The following LYN variants were observed in gnomAD, a reference collection of about 807,000 sequenced individuals.
The protein encoded by LYN is LYN proto-oncogene, Src family tyrosine kinase.
Under a neutral mutation model 65.0 loss-of-function variants are expected in LYN, and 12 were observed. That is an observed-to-expected ratio of 0.18 (90% CI 0.12 to 0.30). The LOEUF (loss-of-function observed/expected upper bound fraction) is 0.30. LYN is among the 10% of genes least tolerant of loss of function. LYN has a pLI of 1.00. For missense variants in LYN, 380 were observed against 623.2 expected (o/e 0.61, Z 4.16); for synonymous variants, 222 against 221.2 (o/e 1.00, Z -0.03).
intron 1 of LYN, among the ~76,000 whole-genome samples, chr8:55,935,609 ACTAAAAAT>A (rs1288096260): frequency 6.6e-6 from 1 of 152,044 alleles, no homozygotes; most frequent in Non-Finnish European, 1.5e-5. Context: ...CCCTGTCTGT[ACTAAAAAT>A]ACAAAAATTA....
In LYN at chr8:56,010,138, G is replaced by A; in HGVS notation, c.*28G>A. ...CACAGGGAGACCCGTCCATTTGGCAGGGGTGGCTGCCTCATTTAGAGAGGA... is the reference window on the plus strand; with the variant it reads ...CACAGGGAGACCCGTCCATTTGGCAAGGGTGGCTGCCTCATTTAGAGAGGA... On this transcript the variant is annotated 3_prime_UTR_variant, in exon 13 of 13. Coordinates refer to ENST00000519728, the MANE Select transcript of LYN (RefSeq NM_002350.4). The A allele has an allele frequency of 6.2e-7, 1 of 1,610,738 alleles. No homozygotes were observed. Among genetic ancestry groups the A allele is most frequent in the Non-Finnish European group, 8.5e-7 (1 of 1,177,206 alleles).
intron 1 of LYN, among the ~76,000 whole-genome samples, chr8:55,930,871 C>G (rs1400307732): frequency 6.6e-6 from 1 of 151,968 alleles, no homozygotes; most frequent in Non-Finnish European, 1.5e-5. Flanking sequence ...ACTGAAGCCC[C>G]AAACTCTTAG....
At chr8:55,947,866 A>T in intron 4 of LYN, 143 bp downstream of exon 4, 1 of 621,348 alleles carries the variant, frequency 1.6e-6, no homozygotes, top group Non-Finnish European at 2.9e-6. Flanking sequence ...TGCTACCCAC[A>T]GGGAGTGGGC....
At chr8:55,979,698 C>T (rs1356981211) in intron 10 of LYN, among the ~76,000 whole-genome samples, 1 of 152,206 alleles carries the variant, frequency 6.6e-6, no homozygotes, top group Non-Finnish European at 1.5e-5. Context: ...CAGGCCTCCA[C>T]CCAGCACAGC....
At chr8:55,988,238 G>A (rs925633411) in intron 10 of LYN, among the ~76,000 whole-genome samples, 2 of 151,436 alleles carry the variant, frequency 1.3e-5, no homozygotes, top group Admixed American at 6.6e-5. Context: ...AACAAATGCT[G>A]TCATATTTGC....
intron 10 of LYN, among the ~76,000 whole-genome samples, chr8:55,975,148 G>A (rs1250355629): frequency 6.6e-6 from 1 of 152,210 alleles, no homozygotes; most frequent in African/African-American, 2.4e-5. Flanking sequence ...TAGTGGTCAG[G>A]ATGTGATGGT....
intron 1 of LYN, among the ~76,000 whole-genome samples, chr8:55,935,488 T>C (rs1806402262): frequency 1.3e-5 from 2 of 152,144 alleles, no homozygotes; most frequent in African/African-American, 4.8e-5. Flanking sequence ...AAAAGTGATT[T>C]AGGTGCTGGG....
chr8:55,975,295 T>G (rs1029515330), intron 10 of LYN, among the ~76,000 whole-genome samples: 1 of 152,196 alleles, frequency 6.6e-6, no homozygotes, highest in African/African-American at 2.4e-5. Flanking sequence ...GAGCCTAGAT[T>G]ATGCTAATGA....
intron 8 of LYN, chr8:55,954,993 A>G (rs1424194360): frequency 6.6e-6 from 1 of 152,228 alleles, no homozygotes; most frequent in African/African-American, 2.4e-5. Context: ...GGAAAGAGTA[A>G]CATGTTAGGT....
chr8:56,010,524 C>T lies in LYN; in HGVS notation c.*414C>T, dbSNP rs976798103. 1 of 251,072 alleles carries T rather than the reference C, an allele frequency of 4.0e-6. No individual in the cohort carries two copies. The highest frequency in any genetic ancestry group is 2.2e-5 in the African/African-American group (1 of 45,416). The allele number at this position is 251,072 out of a possible 1,614,324, so 15.6% of individuals were successfully genotyped here. A position where few individuals can be genotyped will look rare whatever the true frequency, so the allele number is the denominator to read the frequency against. On this transcript the variant is annotated 3_prime_UTR_variant, in exon 13 of 13. Transcript: ENST00000519728. ...AACTCATTTATAAAGCTAAAATAACCGGATATATACATAGCATGACATTTC... is the reference window on the plus strand; with the variant it reads ...AACTCATTTATAAAGCTAAAATAACTGGATATATACATAGCATGACATTTC...
At chr8:55,901,777 G>C (rs868587152) in intron 1 of LYN, among the ~76,000 whole-genome samples, 1 of 152,202 alleles carries the variant, frequency 6.6e-6, no homozygotes, top group South Asian at 2.1e-4. Flanking sequence ...GCTAGGAACC[G>C]GCTCCCAGCT....
At chr8:55,897,401 C>T (rs896994973) in intron 1 of LYN, among the ~76,000 whole-genome samples, 2 of 152,102 alleles carry the variant, frequency 1.3e-5, no homozygotes, top group Admixed American at 1.3e-4. Flanking sequence ...AGCATTCTGA[C>T]GCTGAGCACA....
intron 1 of LYN, among the ~76,000 whole-genome samples, chr8:55,903,851 A>G (rs555417960): frequency 6.6e-6 from 1 of 152,290 alleles, no homozygotes; most frequent in South Asian, 2.1e-4. Context: ...CTATCTTTAC[A>G]GAAAATAAAA....
At chr8:55,949,550 T>C (rs1371822552) in intron 4 of LYN, among the ~76,000 whole-genome samples, 2 of 152,220 alleles carry the variant, frequency 1.3e-5, no homozygotes, top group Non-Finnish European at 2.9e-5. Flanking sequence ...ATAAACACTT[T>C]TTTCCTTTTA....
intron 1 of LYN, among the ~76,000 whole-genome samples, chr8:55,918,419 G>A (rs1369885680): frequency 2.0e-5 from 3 of 152,234 alleles, no homozygotes; most frequent in Non-Finnish European, 4.4e-5. Flanking sequence ...GGGCTATGGA[G>A]CCGGGACATT....
At chr8:55,946,550 T>C (rs1167566510) in intron 3 of LYN, 57 bp downstream of exon 3, 1 of 1,040,928 alleles carries the variant, frequency 9.6e-7, no homozygotes, top group African/African-American at 1.6e-5. Context: ...AGAGCTTCTA[T>C]AAAGTGATTG....
chr8:55,977,962 G>A (rs1198513250), intron 10 of LYN, among the ~76,000 whole-genome samples: 1 of 152,024 alleles, frequency 6.6e-6, no homozygotes, highest in East Asian at 1.9e-4. Flanking sequence ...TCTCTAAAGG[G>A]TACACTCTGA....
rs768819807 is a variant in LYN at position 55,954,004 on chromosome 8, A to G, written c.790+20A>G. 1.9e-6 allele frequency: 3 copies of G among 1,612,230 alleles called. No individual in the cohort carries two copies. The highest frequency in any genetic ancestry group is 1.8e-4 in the Middle Eastern group (1 of 5,584). ...GGATGGGTAAGTGTGCGGCTCGGGG[A>G]TCTATGTCCTTCTAGAGATGGTGAC... On this transcript the variant is annotated intron_variant, in intron 8 of 12. Transcript: ENST00000519728.
At position 56,011,200 on chromosome 8, in the gene LYN, G is replaced by T. The variant is rs1280371592; in HGVS notation, c.*1090G>T. The stretch of plus-strand genomic sequence containing the variant: ...CCCAAGGATATGAAGGAACATAAGT[G>T]ACTACAAGGCTCTAATAAGCCACGG... On this transcript the variant is annotated 3_prime_UTR_variant, in exon 13 of 13. Transcript: ENST00000519728. 1.3e-5 allele frequency: 3 copies of T among 227,936 alleles called. No individual in the cohort carries two copies. Among genetic ancestry groups the T allele is most frequent in the Non-Finnish European group, 2.6e-5 (3 of 114,912 alleles). The allele number at this position is 227,936 out of a possible 1,614,324, so 14.1% of individuals were successfully genotyped here.
Sources: allele counts gnomAD v4.1 joint callset (sites outside exome capture counted in the v4.1 genomes callset), GRCh38; gene constraint gnomAD v4.1.1; transcripts MANE v1.5; gene names NCBI Gene and HGNC (gene_info 2026-07-23, HGNC 2026-07-21).